The following RBFOX1 variants were observed in gnomAD, a reference collection of about 807,000 sequenced individuals.
RBFOX1 encodes the protein RNA binding fox-1 homolog 1.
A neutral mutation model predicts 57.7 loss-of-function variants in RBFOX1; 8 were observed. The ratio of observed to expected loss-of-function variants is 0.14; its 90% CI spans 0.08 to 0.25. The LOEUF (loss-of-function observed/expected upper bound fraction) is 0.25, where lower values mean the gene tolerates loss of function less well. Ranked by LOEUF, RBFOX1 falls within the 10% of genes least tolerant of loss-of-function variation. The pLI, the probability that RBFOX1 is intolerant of heterozygous loss-of-function variation, is 1.00. For missense variants in RBFOX1, 611 were observed against 548.5 expected (o/e 1.11, Z -1.14); for synonymous variants, 326 against 222.4 (o/e 1.47, Z -4.15).
chr16:5,743,277 C>T (rs992527711), intron 3 of RBFOX1, among the ~76,000 whole-genome samples: 1 of 152,102 alleles, frequency 6.6e-6, no homozygotes, highest in Non-Finnish European at 1.5e-5. Context: ...TGGGTGGGCA[C>T]CTTCTGTTTT....
upstream of RBFOX1, among the ~76,000 whole-genome samples, chr16:6,017,575 A>G (rs1239168291): frequency 6.6e-6 from 1 of 152,244 alleles, no homozygotes; most frequent in Non-Finnish European, 1.5e-5. Context: ...CTAAGGAAAC[A>G]TATGGTAAAA....
At chr16:5,612,235 A>G (rs564417447) in intron 3 of RBFOX1, among the ~76,000 whole-genome samples, 110 of 146,790 alleles carry the variant, frequency 7.5e-4, no homozygotes, top group Non-Finnish European at 1.4e-3. Context: ...TCATTCATCT[A>G]CTCTCCCATC....
chr16:5,647,512 C>T (rs1454474075), intron 3 of RBFOX1, among the ~76,000 whole-genome samples: 1 of 152,154 alleles, frequency 6.6e-6, no homozygotes, highest in African/African-American at 2.4e-5. Flanking sequence ...TTATCTGAAG[C>T]TCAGGGCACA....
At chr16:6,741,480 A>G (rs947468558) in intron 3 of RBFOX1, among the ~76,000 whole-genome samples, 1 of 152,052 alleles carries the variant, frequency 6.6e-6, no homozygotes, top group Non-Finnish European at 1.5e-5. Context: ...CCTGGCTAAC[A>G]TGGCGAAACC....
chr16:6,559,779 C>T (rs544517225), intron 2 of RBFOX1, among the ~76,000 whole-genome samples: 315 of 152,152 alleles, frequency 2.1e-3, no homozygotes, highest in African/African-American at 6.3e-3. Flanking sequence ...ATGTGCCAGG[C>T]GCTCTTCCTG....
intron 1 of RBFOX1, among the ~76,000 whole-genome samples, chr16:6,164,858 A>G (rs775020222): frequency 1.3e-5 from 2 of 152,208 alleles, no homozygotes; most frequent in Non-Finnish European, 2.9e-5. Flanking sequence ...TTACTTCTGC[A>G]TAATGCTAAA....
At chr16:6,200,973 G>A (rs1024950086) in intron 1 of RBFOX1, among the ~76,000 whole-genome samples, 1 of 150,744 alleles carries the variant, frequency 6.6e-6, no homozygotes, top group Non-Finnish European at 1.5e-5. Flanking sequence ...GTGAAATCGA[G>A]CATGAGCAAA....
At chr16:6,137,098 T>C (rs528256112) in intron 1 of RBFOX1, among the ~76,000 whole-genome samples, 9 of 152,324 alleles carry the variant, frequency 5.9e-5, no homozygotes, top group African/African-American at 2.2e-4. Context: ...GTCCAGGTAC[T>C]TTCATGAATC....
chr16:7,649,901 C>A (rs1364655148), intron 11 of RBFOX1, among the ~76,000 whole-genome samples: 3 of 150,884 alleles, frequency 2.0e-5, no homozygotes, highest in Non-Finnish European at 4.4e-5. Context: ...TCCAAAGTGA[C>A]TGAAAGGAAG....
At chr16:7,479,756 G>C (rs1360398301) in intron 4 of RBFOX1, among the ~76,000 whole-genome samples, 2 of 152,198 alleles carry the variant, frequency 1.3e-5, no homozygotes, top group Non-Finnish European at 2.9e-5. Context: ...AATTTCTCTA[G>C]TGTGATAGTG....
chr16:6,073,495 A>T (rs1015090600), intron 1 of RBFOX1, among the ~76,000 whole-genome samples: 2 of 152,216 alleles, frequency 1.3e-5, no homozygotes, highest in African/African-American at 4.8e-5. Flanking sequence ...AGTGTATGCT[A>T]ATAGGAAAAA....
chr16:7,237,191 C>T (rs79487781), intron 4 of RBFOX1, among the ~76,000 whole-genome samples: 4,410 of 152,284 alleles, frequency 0.029, 89 homozygotes, highest in Middle Eastern at 0.061. Context: ...CAGAAAATAA[C>T]TTCCCTTGCC....
intron 3 of RBFOX1, among the ~76,000 whole-genome samples, chr16:5,734,057 C>A (rs1242511206): frequency 6.6e-6 from 1 of 152,190 alleles, no homozygotes; most frequent in Non-Finnish European, 1.5e-5. Flanking sequence ...ACAGCCCAGG[C>A]ACTTTCCCAG....
At chr16:7,419,925 C>CTTT (rs367626244) in intron 4 of RBFOX1, among the ~76,000 whole-genome samples, 18,377 of 98,096 alleles carry the variant, frequency 0.19, 1,010 homozygotes, top group East Asian at 0.32. Context: ...TTCTTTCTTC[C>CTTT]TTTTTTTTTT....
chr16:7,333,029 C>A, intron 4 of RBFOX1: 1 of 1,613,832 alleles, frequency 6.2e-7, no homozygotes. Context: ...AGTTCTCCTG[C>A]ATCCTTATGG....
intron 4 of RBFOX1, among the ~76,000 whole-genome samples, chr16:7,319,152 C>T (rs908222850): frequency 3.9e-5 from 6 of 152,250 alleles, no homozygotes; most frequent in African/African-American, 1.2e-4. Flanking sequence ...CTAAAAGAAG[C>T]ATTCATCTTT....
Position 6,817,532 on chromosome 16 carries a change from TAAAAAAAA to T in RBFOX1, c.-16+162898_-16+162905del, listed in dbSNP as rs71145302. Among the ~76,000 whole-genome samples the T allele has an allele frequency of 3.5e-3, 443 of 127,580 alleles. 4 individuals are homozygous for T. The highest frequency in any genetic ancestry group is 0.013 in the African/African-American group (432 of 33,300). The allele number at this position is 127,580 out of a possible 152,430, so 83.7% of individuals were successfully genotyped here. ...AGCATGGTGAAACCCTTTCTTTGCT[TAAAAAAAA>T]AAAAAAAAAAAAAAATTTAACTGGA... On this transcript the variant is annotated intron_variant, in intron 3 of 15. Transcript: ENST00000550418.
At chr16:6,926,850 A>C (rs2075680293) in intron 3 of RBFOX1, among the ~76,000 whole-genome samples, 1 of 152,082 alleles carries the variant, frequency 6.6e-6, no homozygotes, top group Non-Finnish European at 1.5e-5. Context: ...ATAAACATCC[A>C]CGTGACTCTT....
chr16:7,252,128 G>C (rs1346715327), intron 4 of RBFOX1, among the ~76,000 whole-genome samples: 1 of 152,170 alleles, frequency 6.6e-6, no homozygotes, highest in Non-Finnish European at 1.5e-5. Flanking sequence ...TTCCAGCTCA[G>C]AATTGCAGGT....
Sources: allele counts gnomAD v4.1 joint callset (sites outside exome capture counted in the v4.1 genomes callset), GRCh38; gene constraint gnomAD v4.1.1; transcripts MANE v1.5; gene names NCBI Gene and HGNC (gene_info 2026-07-23, HGNC 2026-07-21).